Variants in UNC13C observed in about 807,000 individuals in gnomAD.
UNC13C encodes the protein protein unc-13 homolog C.
Under a neutral mutation model 245.4 loss-of-function variants are expected in UNC13C, and 174 were observed. That is an observed-to-expected ratio of 0.71 (90% CI 0.63 to 0.80). The LOEUF (loss-of-function observed/expected upper bound fraction) is 0.80, where lower values mean the gene tolerates loss of function less well. Among genes scored for constraint, UNC13C ranks in the 30% least tolerant of loss-of-function variants. The pLI is 0.00. For synonymous variants in UNC13C, 992 were observed against 895.1 expected (o/e 1.11, Z -1.93); for missense variants, 2,829 against 2,602.9 (o/e 1.09, Z -1.89).
At chr15:54,173,396 C>G (rs1195469385) in intron 4 of UNC13C, among the ~76,000 whole-genome samples, 1 of 149,352 alleles carries the variant, frequency 6.7e-6, no homozygotes, top group East Asian at 2.0e-4. Context: ...CAATTTCTCT[C>G]TGTGCTTTTT....
At chr15:53,888,115 T>A in the UNC13C span, among the ~76,000 whole-genome samples, 1 of 152,214 alleles carries the variant, frequency 6.6e-6, no homozygotes, top group African/African-American at 2.4e-5. Context: ...TCTAGGTCCT[T>A]GAGGAATCAC....
At chr15:54,395,506 G>A (rs1002134702) in intron 18 of UNC13C, among the ~76,000 whole-genome samples, 1 of 151,824 alleles carries the variant, frequency 6.6e-6, no homozygotes, top group African/African-American at 2.4e-5. Flanking sequence ...ATTAATAAAC[G>A]ATCCCTGTTA....
At chr15:53,863,968 G>T in the UNC13C span, among the ~76,000 whole-genome samples, 1 of 152,090 alleles carries the variant, frequency 6.6e-6, no homozygotes. Flanking sequence ...CAACTTTGAG[G>T]TCCATGTTCC....
At chr15:54,207,427 G>A (rs1444426732) in intron 4 of UNC13C, among the ~76,000 whole-genome samples, 1 of 151,800 alleles carries the variant, frequency 6.6e-6, no homozygotes, top group Non-Finnish European at 1.5e-5. Context: ...TTCATGTTCT[G>A]CCATGAGCAG....
At position 54,015,789 on chromosome 15, in the gene UNC13C, C is replaced by G. The variant is rs757948529; in HGVS notation, c.2886C>G (p.Ile962Met). Residue 962 changes from isoleucine (I) to methionine (M), a missense_variant, in exon 2 of 33, where the codon ATC becomes ATG. Coordinates refer to ENST00000260323, the MANE Select transcript of UNC13C (RefSeq NM_001080534.3). Reference protein sequence around the residue: ...NQNIPEQPVEITKPKRIRPSF... With the variant: ...NQNIPEQPVEMTKPKRIRPSF... ...ACATTCCTGAACAGCCAGTGGAGATCACAAAGCCAAAGAGAATTCGTCCTT... is the reference window on the plus strand; with the variant it reads ...ACATTCCTGAACAGCCAGTGGAGATGACAAAGCCAAAGAGAATTCGTCCTT... 2 of 1,611,928 alleles carry G rather than the reference C, an allele frequency of 1.2e-6. No individual in the cohort carries two copies. The highest frequency in any genetic ancestry group is 2.2e-5 in the East Asian group (1 of 44,846).
chr15:54,560,744 A>C (rs1353487809), intron 29 of UNC13C, among the ~76,000 whole-genome samples: 2 of 151,978 alleles, frequency 1.3e-5, no homozygotes, highest in Non-Finnish European at 2.9e-5. Context: ...GTATAATATC[A>C]GGATAGGAGG....
At chr15:54,462,759 G>T (rs1018108837) in intron 19 of UNC13C, among the ~76,000 whole-genome samples, 11 of 152,208 alleles carry the variant, frequency 7.2e-5, no homozygotes, top group African/African-American at 2.7e-4. Context: ...CGCGCAGCCC[G>T]AGGAGCCTCC....
intron 2 of UNC13C, among the ~76,000 whole-genome samples, chr15:54,107,712 TC>T (rs1266848205): frequency 6.6e-6 from 1 of 152,160 alleles, no homozygotes; most frequent in Non-Finnish European, 1.5e-5. Flanking sequence ...CAGAGTAGAG[TC>T]CTTTCTCAAG....
chr15:54,569,060 G>C (rs1238522722), intron 30 of UNC13C, among the ~76,000 whole-genome samples: 1 of 152,142 alleles, frequency 6.6e-6, no homozygotes, highest in African/African-American at 2.4e-5. Flanking sequence ...GCATGCTCAT[G>C]CTCCCTCAAG....
chr15:54,105,097 G>A (rs72742567), intron 2 of UNC13C, among the ~76,000 whole-genome samples: 6,861 of 152,284 alleles, frequency 0.045, 184 homozygotes, highest in Middle Eastern at 0.11. Flanking sequence ...GGATGGACAA[G>A]AGAACTGATA....
intron 4 of UNC13C, among the ~76,000 whole-genome samples, chr15:54,163,370 T>A (rs1011514176): frequency 2.0e-5 from 3 of 152,182 alleles, no homozygotes; most frequent in Admixed American, 2.0e-4. Context: ...GAGACCTTAA[T>A]TATAGGATTT....
chr15:54,209,201 G>A (rs2034804265), intron 4 of UNC13C, among the ~76,000 whole-genome samples: 1 of 152,056 alleles, frequency 6.6e-6, no homozygotes, highest in African/African-American at 2.4e-5. Context: ...AAGCACGATG[G>A]GGTAAATGTC....
chr15:54,059,733 T>TA (rs2141072809), intron 2 of UNC13C, among the ~76,000 whole-genome samples: 1 of 152,298 alleles, frequency 6.6e-6, no homozygotes, highest in South Asian at 2.1e-4. Context: ...AAGGCTACAG[T>TA]AATCAAAACA....
At chr15:54,129,747 A>G (rs1347249145) in intron 2 of UNC13C, among the ~76,000 whole-genome samples, 1 of 151,428 alleles carries the variant, frequency 6.6e-6, no homozygotes, top group Non-Finnish European at 1.5e-5. Context: ...ACCTTTAACT[A>G]TATCCTCTTA....
At chr15:54,118,368 T>G (rs2030425708) in intron 2 of UNC13C, among the ~76,000 whole-genome samples, 1 of 152,134 alleles carries the variant, frequency 6.6e-6, no homozygotes, top group African/African-American at 2.4e-5. Flanking sequence ...GATATTTTAC[T>G]TCTTTGGTTA....
the UNC13C span, among the ~76,000 whole-genome samples, chr15:53,941,692 C>T: frequency 6.6e-6 from 1 of 151,888 alleles, no homozygotes; most frequent in Admixed American, 6.6e-5. Flanking sequence ...CCAAGGTCTA[C>T]AGGGAACTTA....
At chr15:54,116,291 C>T (rs2030239347) in intron 2 of UNC13C, among the ~76,000 whole-genome samples, 1 of 151,886 alleles carries the variant, frequency 6.6e-6, no homozygotes, top group Admixed American at 6.6e-5. Context: ...TGAAATATCC[C>T]CTTCTAGCTA....
intron 2 of UNC13C, among the ~76,000 whole-genome samples, chr15:54,022,355 G>T (rs1895937960): frequency 6.6e-6 from 1 of 151,842 alleles, no homozygotes; most frequent in East Asian, 1.9e-4. Flanking sequence ...TGTCACCCAG[G>T]CTGGAGTACC....
intron 10 of UNC13C, among the ~76,000 whole-genome samples, chr15:54,289,780 A>T (rs1235776098): frequency 6.6e-6 from 1 of 152,044 alleles, no homozygotes; most frequent in African/African-American, 2.4e-5. Context: ...CCTGTATCAC[A>T]GTACTACATA....
Sources: gnomAD v4.1 joint callset for allele counts (sites outside exome capture counted in the v4.1 genomes callset) on GRCh38, gnomAD v4.1.1 for gene constraint, MANE v1.5 for transcripts, NCBI Gene and HGNC (gene_info 2026-07-23, HGNC 2026-07-21) for gene names.